The following PER3 variants were observed in gnomAD, a reference collection of about 807,000 sequenced individuals.
The protein encoded by PER3 is period circadian protein homolog 3.
A neutral mutation model predicts 127.2 loss-of-function variants in PER3; 107 were observed. The ratio of observed to expected loss-of-function variants is 0.84; its 90% CI spans 0.72 to 0.99. The LOEUF (loss-of-function observed/expected upper bound fraction) is 0.99. Among genes scored for constraint, PER3 ranks in the 50% least tolerant of loss-of-function variants. PER3 has a pLI of 0.00. For synonymous variants in PER3, 618 were observed against 585.8 expected (o/e 1.05, Z -0.79); for missense variants, 1,560 against 1,525.8 (o/e 1.02, Z -0.37).
chr1:7,798,671 A>C lies in PER3; in HGVS notation c.791A>C (p.Glu264Ala). The stretch of plus-strand genomic sequence containing the variant: ...GTTGAAAAGATTCACTCTGGTTATG[A>C]AGGTAAGTCAGTAGATAAGATGCAG... ...TVVEKIHSGY[E>A]APRIPVNKRI... Residue 264 changes from glutamate (E) to alanine (A), a missense_variant and splice_region_variant, in exon 7 of 22, where the codon GAA becomes GCA. Physicochemically the swap from Glu to Ala is moderately radical, Grantham distance 107. Transcript: ENST00000377532. 6.2e-7 allele frequency: 1 copy of C among 1,612,526 alleles called. No individual in the cohort carries two copies.
chr1:7,804,510 C>A (rs2097184669), intron 10 of PER3, among the ~76,000 whole-genome samples: 1 of 151,422 alleles, frequency 6.6e-6, no homozygotes, highest in South Asian at 2.1e-4. Context: ...AGGTGATCCT[C>A]CCACTTCAGC....
intron 5 of PER3, among the ~76,000 whole-genome samples, chr1:7,789,342 A>T (rs1206596196): frequency 6.6e-6 from 1 of 152,184 alleles, no homozygotes; most frequent in East Asian, 1.9e-4. Flanking sequence ...TAATTGCATC[A>T]TGAGGGCGTC....
chr1:7,789,538 A>G (rs1471916246), intron 5 of PER3, among the ~76,000 whole-genome samples: 1 of 152,196 alleles, frequency 6.6e-6, no homozygotes, highest in Non-Finnish European at 1.5e-5. Context: ...TAAGTCCGTT[A>G]AACCTCTTTC....
chr1:7,830,533 G>GTA (rs2097326590), intron 19 of PER3, among the ~76,000 whole-genome samples: 1 of 152,178 alleles, frequency 6.6e-6, no homozygotes, highest in Non-Finnish European at 1.5e-5. Context: ...TATGATTTAT[G>GTA]TATAGAATCA....
chr1:7,816,156 TTAAAAA>T (rs752523973), intron 13 of PER3, among the ~76,000 whole-genome samples: 2 of 151,802 alleles, frequency 1.3e-5, no homozygotes, highest in Non-Finnish European at 2.9e-5. Context: ...AGCTTCCTCC[TTAAAAA>T]TAAGAGAAAA....
chr1:7,787,856 G>A (rs1010179828), intron 4 of PER3, 189 bp from the exon 5 acceptor site: 3 of 597,972 alleles, frequency 5.0e-6, no homozygotes, highest in Non-Finnish European at 8.9e-6. Context: ...TAGGTGAAGT[G>A]CAGGTCTTAG....
At chr1:7,798,825 GTC>G (rs2097157476) in intron 7 of PER3, 152 bp downstream of exon 7, 4 of 637,790 alleles carry the variant, frequency 6.3e-6, no homozygotes, top group African/African-American at 3.7e-5. Flanking sequence ...TTTCATTGAT[GTC>G]TCTGTTTACT....
At chr1:7,805,573 A>G (rs11121026) in intron 10 of PER3, among the ~76,000 whole-genome samples, 30,221 of 152,128 alleles carry the variant, frequency 0.2, 3,192 homozygotes, top group South Asian at 0.27. Context: ...ATTAAGAAAT[A>G]CAGCTGCCAA....
chr1:7,785,944 C>T (rs887587064), intron 3 of PER3, among the ~76,000 whole-genome samples: 4 of 152,222 alleles, frequency 2.6e-5, no homozygotes, highest in Non-Finnish European at 2.9e-5. Context: ...CCTTTACATG[C>T]CGTACACATA....
At chr1:7,802,564 C>T (rs2097175161) in intron 8 of PER3, among the ~76,000 whole-genome samples, 1 of 152,192 alleles carries the variant, frequency 6.6e-6, no homozygotes. Context: ...CGTGCCTGGC[C>T]TAGGTGACAT....
intron 20 of PER3, 46 bp downstream of exon 20, chr1:7,835,991 TC>T: frequency 7.6e-7 from 1 of 1,323,066 alleles, no homozygotes; most frequent in Non-Finnish European, 1.1e-6. Context: ...TTTTGTGGTT[TC>T]TTTTTTTCTT....
chr1:7,789,872 T>G (rs966239497), intron 5 of PER3, among the ~76,000 whole-genome samples: 17 of 152,344 alleles, frequency 1.1e-4, no homozygotes, highest in Admixed American at 6.5e-4. Context: ...GCTCATCTCT[T>G]TTCCCATCTT....
At chr1:7,811,717 C>T (rs1324964312) in intron 13 of PER3, 1 of 152,222 alleles carries the variant, frequency 6.6e-6, no homozygotes, top group Non-Finnish European at 1.5e-5. Context: ...GACTTTGTCA[C>T]TTCCTAAAGG....
intron 7 of PER3, 119 bp downstream of exon 7, chr1:7,798,792 C>T (rs2097157393): frequency 4.0e-6 from 3 of 745,964 alleles, no homozygotes; most frequent in Non-Finnish European, 2.2e-6. Flanking sequence ...GACCCTTAAA[C>T]TCTTCAGGCA....
chr1:7,807,325 G>T (rs72855226), intron 10 of PER3, among the ~76,000 whole-genome samples: 1 of 152,216 alleles, frequency 6.6e-6, no homozygotes, highest in African/African-American at 2.4e-5. Context: ...AGAGAAAGGC[G>T]ATTGGTGCAG....
chr1:7,842,696 GA>G lies in PER3; in HGVS notation c.3575del (p.Asp1192ValfsTer15). ...IQACVTCENE[D>X]SADGAATSCG... ...GGCCTGTGTCACTTGTGAAAATGAA[GA>G]TTCAGCTGATGGTGCGGCCACATCC... On this transcript the variant is annotated frameshift_variant, in exon 22 of 22. Coordinates refer to ENST00000377532, the MANE Select transcript of PER3 (RefSeq NM_001377275.1). LOFTEE classifies it low-confidence loss of function (END_TRUNC). 6.2e-7 allele frequency: 1 copy of G among 1,613,456 alleles called. No individual in the cohort carries two copies. Among genetic ancestry groups the G allele is most frequent in the Non-Finnish European group, 8.5e-7 (1 of 1,179,550 alleles).
chr1:7,831,257 G>T (rs1006405327), intron 19 of PER3, among the ~76,000 whole-genome samples: 1 of 152,122 alleles, frequency 6.6e-6, no homozygotes, highest in Non-Finnish European at 1.5e-5. Flanking sequence ...ATTTGCAATT[G>T]TTTGTTGTTA....
intron 16 of PER3, among the ~76,000 whole-genome samples, chr1:7,821,781 C>A (rs2097277814): frequency 6.6e-6 from 1 of 152,120 alleles, no homozygotes; most frequent in Admixed American, 6.5e-5. Flanking sequence ...CATCTTTATT[C>A]CATGGAGAAA....
intron 21 of PER3, among the ~76,000 whole-genome samples, chr1:7,838,077 G>GTA (rs1443198371): frequency 6.6e-6 from 1 of 151,914 alleles, no homozygotes; most frequent in African/African-American, 2.4e-5. Flanking sequence ...GTGTGTGTGT[G>GTA]TAAAAATATT....
Sources: gnomAD v4.1 joint callset for allele counts (sites outside exome capture counted in the v4.1 genomes callset) on GRCh38, gnomAD v4.1.1 for gene constraint, MANE v1.5 for transcripts, NCBI Gene and HGNC (gene_info 2026-07-23, HGNC 2026-07-21) for gene names.